The following MAF variants were observed in gnomAD, a reference collection of about 807,000 sequenced individuals.
MAF encodes the protein MAF bZIP transcription factor.
Under a neutral mutation model 22.0 loss-of-function variants are expected in MAF, and 10 were observed. The ratio of observed to expected loss-of-function variants is 0.45; its 90% CI spans 0.28 to 0.77. The LOEUF is 0.77. Among genes scored for constraint, MAF ranks in the 30% least tolerant of loss-of-function variants. MAF has a pLI of 0.12. For synonymous variants in MAF, 337 were observed against 255.8 expected (o/e 1.32, Z -3.03); for missense variants, 544 against 548.4 (o/e 0.99, Z 0.08).
the MAF span, among the ~76,000 whole-genome samples, chr16:79,318,545 T>C: frequency 6.6e-6 from 1 of 152,204 alleles, no homozygotes; most frequent in African/African-American, 2.4e-5. Context: ...TTCCCGAAAC[T>C]ACATTGCTGG....
At chr16:79,324,388 T>C in the MAF span, among the ~76,000 whole-genome samples, 14,156 of 152,164 alleles carry the variant, frequency 0.093, 755 homozygotes, top group Middle Eastern at 0.14. Context: ...AGGTGAAATC[T>C]GTGTGTACGA....
the MAF span, among the ~76,000 whole-genome samples, chr16:79,232,822 T>A: frequency 2.0e-5 from 3 of 150,430 alleles, no homozygotes; most frequent in African/African-American, 7.3e-5. Flanking sequence ...AGTGTTATTG[T>A]AAAGATAAGC....
chr16:79,572,051 C>T, the MAF span, among the ~76,000 whole-genome samples: 7 of 152,272 alleles, frequency 4.6e-5, no homozygotes, highest in Non-Finnish European at 1.5e-5. Context: ...AAAGAAGAAA[C>T]ACATTTTTCT....
At chr16:79,246,157 G>A in the MAF span, among the ~76,000 whole-genome samples, 1 of 151,934 alleles carries the variant, frequency 6.6e-6, no homozygotes, top group Non-Finnish European at 1.5e-5. Flanking sequence ...GTATACCTGT[G>A]GAACAAACCT....
At chr16:79,541,225 G>C in the MAF span, among the ~76,000 whole-genome samples, 1 of 152,168 alleles carries the variant, frequency 6.6e-6, no homozygotes, top group Non-Finnish European at 1.5e-5. Context: ...CGTACTCTAA[G>C]CCACCTCATG....
At chr16:79,464,956 G>C in the MAF span, among the ~76,000 whole-genome samples, 1 of 152,210 alleles carries the variant, frequency 6.6e-6, no homozygotes, top group Non-Finnish European at 1.5e-5. Context: ...GAATGTGACA[G>C]TATCTCAGCA....
At chr16:79,422,845 A>G in the MAF span, among the ~76,000 whole-genome samples, 7 of 152,286 alleles carry the variant, frequency 4.6e-5, no homozygotes, top group African/African-American at 1.7e-4. Flanking sequence ...AACACTCAGC[A>G]TATATGGAGG....
chr16:79,246,226 A>G, the MAF span, among the ~76,000 whole-genome samples: 1 of 152,160 alleles, frequency 6.6e-6, no homozygotes, highest in Admixed American at 6.5e-5. Context: ...TTAAAAAAAA[A>G]TCAAAGTGCA....
chr16:79,291,762 A>G, the MAF span, among the ~76,000 whole-genome samples: 3 of 148,152 alleles, frequency 2.0e-5, no homozygotes, highest in African/African-American at 7.5e-5. Context: ...ATTCAAAAGT[A>G]TATATTGAGT....
chr16:79,520,540 T>G, the MAF span, among the ~76,000 whole-genome samples: 6 of 152,108 alleles, frequency 3.9e-5, no homozygotes, highest in African/African-American at 1.4e-4. Flanking sequence ...TCTGGATAAG[T>G]AGTACATAAA....
the MAF span, among the ~76,000 whole-genome samples, chr16:79,287,870 G>T: frequency 6.6e-6 from 1 of 152,142 alleles, no homozygotes; most frequent in African/African-American, 2.4e-5. Context: ...GTGTTAGGCA[G>T]TCACCAAACA....
At chr16:79,315,941 A>T in the MAF span, among the ~76,000 whole-genome samples, 8 of 152,244 alleles carry the variant, frequency 5.3e-5, no homozygotes, top group Admixed American at 6.5e-5. Context: ...GCTGTTCTTC[A>T]GGGACTACAG....
At chr16:79,553,882 A>T in the MAF span, among the ~76,000 whole-genome samples, 1 of 152,116 alleles carries the variant, frequency 6.6e-6, no homozygotes, top group Non-Finnish European at 1.5e-5. Flanking sequence ...TGAGGTCAAG[A>T]GCTCGAGACC....
At chr16:79,248,787 T>C in the MAF span, among the ~76,000 whole-genome samples, 2 of 117,752 alleles carry the variant, frequency 1.7e-5, no homozygotes, top group Non-Finnish European at 3.9e-5. Context: ...ACACAATGTG[T>C]CCAAAATTTA....
chr16:79,298,173 A>C, the MAF span, among the ~76,000 whole-genome samples: 3 of 152,364 alleles, frequency 2.0e-5, no homozygotes, highest in Admixed American at 1.3e-4. Flanking sequence ...CTGTGTTTGC[A>C]TAACATTCCA....
the MAF span, among the ~76,000 whole-genome samples, chr16:79,550,106 A>G: frequency 1.3e-5 from 2 of 152,092 alleles, no homozygotes; most frequent in Non-Finnish European, 2.9e-5. Flanking sequence ...CAAATCCTGA[A>G]AACTCTGAGC....
chr16:79,214,498 C>T, the MAF span, among the ~76,000 whole-genome samples: 2 of 152,104 alleles, frequency 1.3e-5, no homozygotes, highest in African/African-American at 2.4e-5. Context: ...CTCCACCTCC[C>T]AGGTTCACGC....
chr16:79,556,122 C>T, the MAF span, among the ~76,000 whole-genome samples: 1 of 152,050 alleles, frequency 6.6e-6, no homozygotes, highest in African/African-American at 2.4e-5. Flanking sequence ...GTTTAATAAT[C>T]AGCTTGCAAA....
chr16:79,583,648 G>A (rs969413903), downstream of MAF, among the ~76,000 whole-genome samples: 5 of 152,236 alleles, frequency 3.3e-5, no homozygotes. Flanking sequence ...GCAAGAACAT[G>A]TTTTGAACGC....
Sources: allele counts gnomAD v4.1 joint callset (sites outside exome capture counted in the v4.1 genomes callset), GRCh38; gene constraint gnomAD v4.1.1; transcripts MANE v1.5; gene names NCBI Gene and HGNC (gene_info 2026-07-23, HGNC 2026-07-21).